RBPMS: variants seen among roughly 807,000 people sequenced by gnomAD.
RBPMS encodes the protein RNA binding protein, mRNA processing factor, also known as RNA-binding protein with multiple splicing.
RBPMS carries 7 observed loss-of-function variants against 26.8 expected under a neutral mutation model. That is an observed-to-expected ratio of 0.26 (90% CI 0.15 to 0.49). The LOEUF (loss-of-function observed/expected upper bound fraction) is 0.49. Among genes scored for constraint, RBPMS ranks in the 20% least tolerant of loss-of-function variants. The pLI is 0.98. For synonymous variants in RBPMS, 96 were observed against 93.3 expected (o/e 1.03, Z -0.17); for missense variants, 186 against 250.0 (o/e 0.74, Z 1.73).
intron 1 of RBPMS, among the ~76,000 whole-genome samples, chr8:30,393,968 G>A (rs1007088743): frequency 1.8e-5 from 2 of 109,128 alleles, no homozygotes; most frequent in African/African-American, 7.3e-5. Context: ...ACCTATTATG[G>A]TGACGGTGCA....
intron 4 of RBPMS, among the ~76,000 whole-genome samples, chr8:30,501,321 C>T (rs1017296392): frequency 7.2e-6 from 1 of 138,448 alleles, no homozygotes; most frequent in Non-Finnish European, 1.5e-5. Context: ...ATTTGCTGAG[C>T]CCTTTCCTGA....
At chr8:30,491,877 C>G (rs895008589) in intron 4 of RBPMS, among the ~76,000 whole-genome samples, 1 of 152,114 alleles carries the variant, frequency 6.6e-6, no homozygotes, top group Non-Finnish European at 1.5e-5. Context: ...ATGTGCTTTT[C>G]CATGTAGACA....
chr8:30,438,916 G>A (rs540756856), intron 1 of RBPMS, among the ~76,000 whole-genome samples: 1 of 152,270 alleles, frequency 6.6e-6, no homozygotes, highest in South Asian at 2.1e-4. Context: ...TGGGCCTACA[G>A]GCGCATGCCA....
At chr8:30,495,340 GTAACC>G (rs1819827247) in intron 4 of RBPMS, among the ~76,000 whole-genome samples, 1 of 150,706 alleles carries the variant, frequency 6.6e-6, no homozygotes, top group South Asian at 2.1e-4. Flanking sequence ...AAGATATGTG[GTAACC>G]TAACACTTCC....
intron 1 of RBPMS, among the ~76,000 whole-genome samples, chr8:30,422,607 G>T (rs1044748768): frequency 1.1e-4 from 17 of 152,060 alleles, no homozygotes; most frequent in African/African-American, 2.4e-5. Flanking sequence ...CCTCATTTAG[G>T]CATGAGAGTG....
chr8:30,415,214 C>G (rs1418042447), intron 1 of RBPMS, among the ~76,000 whole-genome samples: 3 of 152,204 alleles, frequency 2.0e-5, no homozygotes, highest in African/African-American at 7.2e-5. Context: ...ACTAATCCAT[C>G]ACCAGATTCA....
intron 1 of RBPMS, among the ~76,000 whole-genome samples, chr8:30,436,421 C>T (rs1585451588): frequency 1.3e-5 from 2 of 152,162 alleles, no homozygotes; most frequent in Admixed American, 1.3e-4. Flanking sequence ...TTCTCTTGAG[C>T]CTTGCTTTTT....
chr8:30,474,181 T>C (rs1817447502), intron 1 of RBPMS, among the ~76,000 whole-genome samples: 1 of 152,212 alleles, frequency 6.6e-6, no homozygotes, highest in African/African-American at 2.4e-5. Flanking sequence ...GAAGAGTTAA[T>C]GCATTTTGGT....
At chr8:30,435,046 C>G (rs1033330494) in intron 1 of RBPMS, among the ~76,000 whole-genome samples, 1 of 150,840 alleles carries the variant, frequency 6.6e-6, no homozygotes, top group Non-Finnish European at 1.5e-5. Context: ...CCATCCGATC[C>G]AAATGCTTAC....
intron 4 of RBPMS, among the ~76,000 whole-genome samples, chr8:30,500,206 C>G (rs1400850235): frequency 6.6e-6 from 1 of 152,130 alleles, no homozygotes; most frequent in Admixed American, 6.6e-5. Flanking sequence ...ACCCCTACCA[C>G]TAAGTTGTCT....
chr8:30,557,808 C>T (rs2151081445), intron 6 of RBPMS, among the ~76,000 whole-genome samples: 1 of 152,364 alleles, frequency 6.6e-6, no homozygotes, highest in South Asian at 2.1e-4. Flanking sequence ...TGTCCAAAAA[C>T]ATGTCCAGTG....
intron 1 of RBPMS, among the ~76,000 whole-genome samples, chr8:30,465,157 T>C (rs1816357308): frequency 6.6e-6 from 1 of 152,228 alleles, no homozygotes; most frequent in African/African-American, 2.4e-5. Context: ...TGTTGAACTC[T>C]AAGGATTTGA....
intron 1 of RBPMS, among the ~76,000 whole-genome samples, chr8:30,461,953 CT>C (rs1338752792): frequency 6.6e-6 from 1 of 152,178 alleles, no homozygotes; most frequent in African/African-American, 2.4e-5. Flanking sequence ...CTTATGTAAT[CT>C]TTAGAGATTG....
intron 5 of RBPMS, among the ~76,000 whole-genome samples, chr8:30,519,714 C>T (rs750668246): frequency 4.6e-5 from 7 of 151,942 alleles, no homozygotes; most frequent in African/African-American, 1.5e-4. Flanking sequence ...ACTATTGTCT[C>T]GATCTCCTGA....
At chr8:30,421,734 A>T (rs1810812818) in intron 1 of RBPMS, among the ~76,000 whole-genome samples, 1 of 152,154 alleles carries the variant, frequency 6.6e-6, no homozygotes. Context: ...AGGCAGGTGG[A>T]TCACAAGGTC....
At chr8:30,506,044 C>A (rs183729134) in intron 5 of RBPMS, among the ~76,000 whole-genome samples, 6 of 152,180 alleles carry the variant, frequency 3.9e-5, no homozygotes, top group Admixed American at 3.9e-4. Flanking sequence ...CTCTTTTTAA[C>A]AGGACCACGA....
At chr8:30,556,399 G>C in intron 6 of RBPMS, 1 of 985,852 alleles carries the variant, frequency 1.0e-6, no homozygotes. Context: ...TGAGGGCTGT[G>C]TGCGAGAGCT....
chr8:30,521,514 C>T (rs950580160), intron 5 of RBPMS, among the ~76,000 whole-genome samples: 9 of 152,142 alleles, frequency 5.9e-5, no homozygotes, highest in African/African-American at 1.9e-4. Context: ...AAGATTGAAA[C>T]GTAGTAGGCT....
chr8:30,429,225 G>A (rs1057291636), intron 1 of RBPMS, among the ~76,000 whole-genome samples: 3 of 152,150 alleles, frequency 2.0e-5, no homozygotes, highest in African/African-American at 7.2e-5. Flanking sequence ...ATGTGGAGAG[G>A]GGTGTTTGTC....
Sources: gnomAD v4.1 joint callset for allele counts (sites outside exome capture counted in the v4.1 genomes callset) on GRCh38, gnomAD v4.1.1 for gene constraint, MANE v1.5 for transcripts, NCBI Gene and HGNC (gene_info 2026-07-23, HGNC 2026-07-21) for gene names.